Variants in PACSIN2 observed in about 807,000 individuals in gnomAD.
The protein encoded by PACSIN2 is protein kinase C and casein kinase substrate in neurons 2.
PACSIN2 carries 25 observed loss-of-function variants against 63.8 expected under a neutral mutation model. The ratio of observed to expected loss-of-function variants is 0.39; its 90% confidence interval spans 0.29 to 0.55. PACSIN2 has a LOEUF of 0.55. Among genes scored for constraint, PACSIN2 ranks in the 20% least tolerant of loss-of-function variants. The probability of loss-of-function intolerance (pLI) is 0.62; values close to 1 mark genes in which losing one functional copy is unlikely to be tolerated. For missense variants in PACSIN2, 518 were observed against 646.9 expected (o/e 0.80, Z 2.16); for synonymous variants, 255 against 256.2 (o/e 1.00, Z 0.05).
chr22:42,909,189 A>G (rs1931284882), intron 2 of PACSIN2, among the ~76,000 whole-genome samples: 1 of 151,806 alleles, frequency 6.6e-6, no homozygotes, highest in Admixed American at 6.6e-5. Context: ...AACCTAGCAA[A>G]TCCTACGGCA....
intron 3 of PACSIN2, among the ~76,000 whole-genome samples, chr22:42,891,883 C>G (rs570720341): frequency 2.0e-5 from 3 of 152,344 alleles, no homozygotes; most frequent in African/African-American, 7.2e-5. Context: ...TGGCATGGCT[C>G]CTATCAGCCC....
Position 42,884,490 on chromosome 22 carries a change from C to T in PACSIN2, c.681G>A (p.Glu227=), listed in dbSNP as rs762239205. The T allele has an allele frequency of 1.2e-6, 2 of 1,614,044 alleles. No homozygotes were observed. Among genetic ancestry groups the T allele is most frequent in the Non-Finnish European group, 1.7e-6 (2 of 1,179,966 alleles). Residue 227 remains glutamate, a synonymous_variant, in exon 6 of 11, where the codon GAG becomes GAA. Transcript: ENST00000263246. ...ACTGCTGGCACTGCTCAAACACCTG[C>T]TCCATGTTCTCCATGTACTGGGGTG... ...QGTPQYMENM[E]QVFEQCQQFE...
chr22:42,934,610 C>T (rs1293619029), intron 1 of PACSIN2, among the ~76,000 whole-genome samples: 1 of 152,362 alleles, frequency 6.6e-6, no homozygotes, highest in East Asian at 1.9e-4. Context: ...GGTCAACTCC[C>T]ACCTACCTTG....
At chr22:43,007,425 A>T (rs1328486429) in intron 1 of PACSIN2, among the ~76,000 whole-genome samples, 9 of 152,142 alleles carry the variant, frequency 5.9e-5, no homozygotes, top group Non-Finnish European at 4.4e-5. Flanking sequence ...TATGTTGGCC[A>T]GGCTGGTCTC....
intron 1 of PACSIN2, among the ~76,000 whole-genome samples, chr22:42,927,744 C>T (rs564862525): frequency 2.6e-5 from 4 of 151,366 alleles, no homozygotes; most frequent in South Asian, 4.2e-4. Context: ...TGCACCACCA[C>T]GTCTGGCTAA....
In PACSIN2 at chr22:42,893,633, G is replaced by C. The variant is rs199640673; in HGVS notation, c.61-20C>G. 19 of 1,606,476 alleles carry C rather than the reference G, an allele frequency of 1.2e-5. No individual in the cohort carries two copies. Among genetic ancestry groups the C allele is most frequent in the Non-Finnish European group, 1.4e-5 (17 of 1,174,328 alleles). Reference sequence around the variant, plus strand: ...CCCGACCTAGGAGAGAGAACCAGCTGGGAGGCAGGGGGCTTGGGGCAGCCT... The same window carrying C: ...CCCGACCTAGGAGAGAGAACCAGCTCGGAGGCAGGGGGCTTGGGGCAGCCT... On this transcript the variant is annotated intron_variant, in intron 2 of 10. Coordinates refer to ENST00000263246, the MANE Select transcript of PACSIN2 (RefSeq NM_001184970.3).
chr22:42,926,384 A>C (rs1334494606), intron 1 of PACSIN2, among the ~76,000 whole-genome samples: 1 of 152,150 alleles, frequency 6.6e-6, no homozygotes, highest in Admixed American at 6.5e-5. Context: ...AGATTAAAAA[A>C]ACAGCCAGCA....
At chr22:42,963,109 A>C (rs1920928814) in intron 1 of PACSIN2, among the ~76,000 whole-genome samples, 1 of 152,330 alleles carries the variant, frequency 6.6e-6, no homozygotes, top group South Asian at 2.1e-4. Flanking sequence ...TTCTGTCATC[A>C]AAGACTGGAA....
At chr22:42,885,755 T>C (rs1929428049) in intron 5 of PACSIN2, among the ~76,000 whole-genome samples, 1 of 150,602 alleles carries the variant, frequency 6.6e-6, no homozygotes, top group Non-Finnish European at 1.5e-5. Flanking sequence ...TGCCCCTTTC[T>C]CCTCTCCTGG....
intron 1 of PACSIN2, among the ~76,000 whole-genome samples, chr22:42,966,000 T>C (rs1481933394): frequency 6.6e-6 from 1 of 152,220 alleles, no homozygotes; most frequent in Non-Finnish European, 1.5e-5. Flanking sequence ...ATTTTTCTTT[T>C]GGCTGAGAAC....
chr22:42,964,720 C>T lies in PACSIN2; in HGVS notation c.-78+50301G>A, dbSNP rs868182602. Among the ~76,000 whole-genome samples the T allele has an allele frequency of 3.9e-5, 6 of 152,100 alleles. No homozygotes were observed. The Middle Eastern group carries it at 0.01, about 259-fold the overall frequency. On this transcript the variant is annotated intron_variant, in intron 1 of 10. Coordinates refer to ENST00000263246, the MANE Select transcript of PACSIN2 (RefSeq NM_001184970.3). ...CCAGGTGATCCATCGGCAGCAGGGA[C>T]GACAAAGTTAGACAAAAGACCAAAA...
chr22:42,940,360 C>G (rs143768564), intron 1 of PACSIN2, among the ~76,000 whole-genome samples: 40 of 152,310 alleles, frequency 2.6e-4, no homozygotes, highest in Non-Finnish European at 3.5e-4. Context: ...GAATCTCAGA[C>G]GCTGTGCAAA....
intron 6 of PACSIN2, 113 bp from the exon 7 acceptor site, chr22:42,882,417 TCA>T: frequency 8.1e-7 from 1 of 1,235,320 alleles, no homozygotes; most frequent in Non-Finnish European, 1.1e-6. Context: ...TGAGTTGGTT[TCA>T]CAGACAGAGC....
At chr22:43,012,150 AATAAATAC>A (rs1176939203) in intron 1 of PACSIN2, among the ~76,000 whole-genome samples, 22 of 132,306 alleles carry the variant, frequency 1.7e-4, no homozygotes, top group Middle Eastern at 3.6e-3. Context: ...TCTCAAAATA[AATAAATAC>A]ATACATACAT....
chr22:42,933,776 G>C (rs1214523044), intron 1 of PACSIN2, among the ~76,000 whole-genome samples: 1 of 152,224 alleles, frequency 6.6e-6, no homozygotes, highest in Admixed American at 6.5e-5. Context: ...CCCATTTGGA[G>C]AAAAATGCTA....
At chr22:43,013,971 G>C (rs538592432) in intron 1 of PACSIN2, among the ~76,000 whole-genome samples, 1 of 152,202 alleles carries the variant, frequency 6.6e-6, no homozygotes, top group South Asian at 2.1e-4. Flanking sequence ...GCATCCCCAG[G>C]TCCTGTTATA....
At chr22:42,973,953 T>C (rs1164065697) in intron 1 of PACSIN2, among the ~76,000 whole-genome samples, 1 of 152,230 alleles carries the variant, frequency 6.6e-6, no homozygotes, top group Non-Finnish European at 1.5e-5. Flanking sequence ...TAGCCTTAAC[T>C]TGTAGCCTGA....
intron 1 of PACSIN2, among the ~76,000 whole-genome samples, chr22:42,931,642 T>A (rs1359443419): frequency 6.6e-6 from 1 of 152,230 alleles, no homozygotes; most frequent in African/African-American, 2.4e-5. Context: ...AATCCCCATG[T>A]GGTTTAAACT....
chr22:42,914,937 C>T (rs939462021), intron 1 of PACSIN2, among the ~76,000 whole-genome samples: 1 of 152,220 alleles, frequency 6.6e-6, no homozygotes, highest in Non-Finnish European at 1.5e-5. Flanking sequence ...TCACACAGCT[C>T]ACTGCAGCCT....
Sources: allele counts gnomAD v4.1 joint callset (sites outside exome capture counted in the v4.1 genomes callset), GRCh38; gene constraint gnomAD v4.1.1; transcripts MANE v1.5; gene names NCBI Gene and HGNC (gene_info 2026-07-23, HGNC 2026-07-21).